The following CPEB4 variants were observed in gnomAD, a reference collection of about 807,000 sequenced individuals.
CPEB4 encodes cytoplasmic polyadenylation element binding protein 4.
Under a neutral mutation model 72.5 loss-of-function variants are expected in CPEB4, and 12 were observed. The observed-to-expected ratio is 0.17, with a 90% CI of 0.11 to 0.27. CPEB4 has a LOEUF of 0.27. Among genes scored for constraint, CPEB4 ranks in the 10% least tolerant of loss-of-function variants. The pLI, the probability that CPEB4 is intolerant of heterozygous loss-of-function variation, is 1.00. For missense variants in CPEB4, 614 were observed against 908.5 expected (o/e 0.68, Z 4.17); for synonymous variants, 302 against 326.3 (o/e 0.93, Z 0.80).
chr5:173,898,598 T>G (rs1476519320), intron 1 of CPEB4, among the ~76,000 whole-genome samples: 1 of 152,248 alleles, frequency 6.6e-6, no homozygotes, highest in Non-Finnish European at 1.5e-5. Flanking sequence ...ACAGAAATAT[T>G]AAGTCAAAGT....
chr5:173,956,258 TAG>T lies in CPEB4; in HGVS notation c.*122_*123del, dbSNP rs1382545583. On this transcript the variant is annotated 3_prime_UTR_variant, in exon 10 of 10. Coordinates refer to ENST00000265085, the MANE Select transcript of CPEB4 (RefSeq NM_030627.4). The stretch of plus-strand genomic sequence containing the variant: ...TTTGTAGCAGTCTGTAACTTAACTA[TAG>T]TATAATGAAAAGAATGACCTATAAT... 9 of 704,006 alleles carry T rather than the reference TAG, an allele frequency of 1.3e-5. No homozygotes were observed. In the African/African-American group the frequency reaches 1.6e-4, roughly 13 times the overall value. The allele number at this position is 704,006 out of a possible 1,614,324, so 43.6% of individuals were successfully genotyped here.
chr5:173,943,331 C>T (rs1411841436), intron 4 of CPEB4, among the ~76,000 whole-genome samples: 1 of 151,798 alleles, frequency 6.6e-6, no homozygotes, highest in African/African-American at 2.4e-5. Flanking sequence ...TGCTTTTTTT[C>T]CTTTCTGAAA....
At chr5:173,913,191 C>G (rs1160042338) in intron 2 of CPEB4, among the ~76,000 whole-genome samples, 1 of 150,890 alleles carries the variant, frequency 6.6e-6, no homozygotes, top group Non-Finnish European at 1.5e-5. Context: ...AGTTGGCACA[C>G]ATTATTCTTT....
intron 1 of CPEB4, among the ~76,000 whole-genome samples, chr5:173,899,777 A>G (rs1756157849): frequency 6.6e-6 from 1 of 152,104 alleles, no homozygotes; most frequent in Non-Finnish European, 1.5e-5. Context: ...TCCCTTGCAG[A>G]CTTTTAGACT....
chr5:173,950,884 C>T lies in CPEB4; in HGVS notation c.1665+806C>T, dbSNP rs1758194141. ...GGAAAAGTTTATCATAAAATTTAGT[C>T]TTTAGGAAGAGGAGCAACTGGCATG... is the stretch of plus-strand genomic sequence containing the variant. On this transcript the variant is annotated intron_variant, in intron 7 of 9. Coordinates refer to ENST00000265085, the MANE Select transcript of CPEB4 (RefSeq NM_030627.4). The surrounding 1 kb of genome is among the most constrained non-coding windows in gnomAD (Gnocchi z 5.0). 6.6e-6 allele frequency among the ~76,000 whole-genome samples: 1 copy of T among 152,050 alleles called. No homozygotes were observed. The highest frequency in any genetic ancestry group is 2.1e-4 in the South Asian group (1 of 4,828).
chr5:173,932,539 A>T, intron 3 of CPEB4, 39 bp downstream of exon 3: 1 of 1,467,948 alleles, frequency 6.8e-7, no homozygotes, highest in Non-Finnish European at 9.5e-7. Flanking sequence ...AGTGCACAAA[A>T]CTGATACAGT....
At chr5:173,898,124 A>G (rs752454967) in intron 1 of CPEB4, among the ~76,000 whole-genome samples, 7 of 152,162 alleles carry the variant, frequency 4.6e-5, no homozygotes, top group Admixed American at 6.5e-5. Flanking sequence ...TATTCTAATC[A>G]TTTTTTAGTA....
chr5:173,937,019 C>CTTTTTTTTTTTTTTTTTTTTTTTTTT (rs150187685), intron 3 of CPEB4, among the ~76,000 whole-genome samples: 1 of 97,214 alleles, frequency 1.0e-5, no homozygotes, highest in Non-Finnish European at 2.0e-5. Flanking sequence ...CATTTCTTTC[C>CTTTTTTTTTTTTTTTTTTTTTTTTTT]TTTTTTTTTT....
intron 3 of CPEB4, among the ~76,000 whole-genome samples, chr5:173,939,838 A>G (rs1757768995): frequency 6.6e-6 from 1 of 151,740 alleles, no homozygotes; most frequent in African/African-American, 2.4e-5. Context: ...TAGGCTGGAC[A>G]CGGTGGCTCA....
Position 173,961,200 on chromosome 5 carries a change from C to T in CPEB4, c.*5063C>T, listed in dbSNP as rs1367256639. Reference sequence around the variant, plus strand: ...TTCTCTCATCTGGCAATTCCCAAACCTTACGTTGAGCATTCAATGAAGGGC... The same window carrying T: ...TTCTCTCATCTGGCAATTCCCAAACTTTACGTTGAGCATTCAATGAAGGGC... On this transcript the variant is annotated 3_prime_UTR_variant, in exon 10 of 10. Coordinates refer to ENST00000265085, the MANE Select transcript of CPEB4 (RefSeq NM_030627.4). 1.3e-5 allele frequency: 2 copies of T among 152,132 alleles called. No individual in the cohort carries two copies. The highest frequency in any genetic ancestry group is 2.9e-5 in the Non-Finnish European group (2 of 68,040). 9.4% of individuals were successfully genotyped at this position (152,132 alleles called of 1,614,324 possible). A position where few individuals can be genotyped will look rare whatever the true frequency, so the allele number is the denominator to read the frequency against.
intron 1 of CPEB4, among the ~76,000 whole-genome samples, chr5:173,901,757 A>T (rs551592373): frequency 1.3e-5 from 2 of 152,360 alleles, no homozygotes; most frequent in African/African-American, 2.4e-5. Context: ...TAATATATGT[A>T]AATGTTATGT....
At chr5:173,929,508 G>T (rs1229615139) in intron 2 of CPEB4, among the ~76,000 whole-genome samples, 1 of 152,040 alleles carries the variant, frequency 6.6e-6, no homozygotes, top group Admixed American at 6.6e-5. Flanking sequence ...AGACCAGCCT[G>T]GGTAACATAG....
At position 173,956,250 on chromosome 5, in the gene CPEB4, C is replaced by T. The variant is rs1758373684; in HGVS notation, c.*113C>T. On this transcript the variant is annotated 3_prime_UTR_variant, in exon 10 of 10. Coordinates refer to ENST00000265085, the MANE Select transcript of CPEB4 (RefSeq NM_030627.4). The stretch of plus-strand genomic sequence containing the variant: ...CATGTCCTTTTGTAGCAGTCTGTAA[C>T]TTAACTATAGTATAATGAAAAGAAT... The T allele has an allele frequency of 2.7e-6, 2 of 753,336 alleles. No individual in the cohort carries two copies. The highest frequency in any genetic ancestry group is 2.3e-5 in the Admixed American group (1 of 43,724). 46.7% of individuals were successfully genotyped at this position (753,336 alleles called of 1,614,324 possible). A position where few individuals can be genotyped will look rare whatever the true frequency, so the allele number is the denominator to read the frequency against.
rs1757902346 is a variant in CPEB4, at chr5:173,943,036, T to C, written c.1269T>C (p.Tyr423=). 1.9e-6 allele frequency: 3 copies of C among 1,611,862 alleles called. No individual in the cohort carries two copies. Among genetic ancestry groups the C allele is most frequent in the South Asian group, 1.1e-5 (1 of 90,708 alleles). Residue 423 remains tyrosine (Y), a synonymous_variant, in exon 4 of 10, where the codon TAT becomes TAC. Transcript: ENST00000265085. ...TCATTTGACATGCAGCAAGGACATA[T>C]GGGCGAAGGAGAGGTAACATTGTTT... ...DSSLLINART[Y]GRRRGQSSLF...
rs1454517263 is a variant in CPEB4, at chr5:173,950,563, C to T, written c.1665+485C>T. Among the ~76,000 whole-genome samples, 3 of 151,844 alleles carry T rather than the reference C, an allele frequency of 2.0e-5. No homozygotes were observed. Among genetic ancestry groups the T allele is most frequent in the Non-Finnish European group, 4.4e-5 (3 of 67,988 alleles). On this transcript the variant is annotated intron_variant, in intron 7 of 9. Transcript: ENST00000265085. This position sits in a 1 kb window ranked among gnomAD's most constrained non-coding sequence, Gnocchi z 5.0. Reference sequence around the variant, plus strand: ...GAGGTTGCAGTGAGCAGAGATTGCACCATTGCACTCCAGCCTGGGTGAAAA... The same window carrying T: ...GAGGTTGCAGTGAGCAGAGATTGCATCATTGCACTCCAGCCTGGGTGAAAA...
In CPEB4 at chr5:173,890,592, A is replaced by G; in HGVS notation, c.859A>G (p.Ser287Gly). Residue 287 changes from serine to glycine, a missense_variant, in exon 1 of 10, where the codon AGC becomes GGC. Physicochemically the swap from Ser to Gly is moderately conservative, Grantham distance 56. This residue lies in a region of CPEB4 where 458 missense variants were observed against 548.6 expected (regional missense o/e 0.83). Coordinates refer to ENST00000265085, the MANE Select transcript of CPEB4 (RefSeq NM_030627.4). ...NLNKPPSPWS[S>G]YQSPSPTPSS... is the part of the protein sequence containing the mutation. ...TAACAAACCCCCCTCTCCGTGGAGC[A>G]GCTACCAGAGTCCGTCACCAACACC... 6.2e-7 allele frequency: 1 copy of G among 1,614,116 alleles called. No homozygotes were observed. The highest frequency in any genetic ancestry group is 8.5e-7 in the Non-Finnish European group (1 of 1,179,998).
Position 173,958,690 on chromosome 5 carries a change from T to TG in CPEB4, c.*2553_*2554insG, listed in dbSNP as rs1554096256. 6.7e-6 allele frequency: 1 copy of TG among 150,238 alleles called. No individual in the cohort carries two copies. Among genetic ancestry groups the TG allele is most frequent in the East Asian group, 1.9e-4 (1 of 5,228 alleles). 9.3% of individuals were successfully genotyped at this position (150,238 alleles called of 1,614,324 possible). On this transcript the variant is annotated 3_prime_UTR_variant, in exon 10 of 10. Coordinates refer to ENST00000265085, the MANE Select transcript of CPEB4 (RefSeq NM_030627.4). ...AAATGACAGATAACACTGTAGTTCC[T>TG]AAAAAAAAAATTAAATGCATAAGCA...
chr5:173,918,959 C>G (rs989193800), intron 2 of CPEB4, among the ~76,000 whole-genome samples: 5 of 151,996 alleles, frequency 3.3e-5, no homozygotes, highest in Non-Finnish European at 7.4e-5. Context: ...GTGAGGGTAA[C>G]GGTGGGCGAG....
In CPEB4 at chr5:173,952,643, C is replaced by G. The variant is rs116587541; in HGVS notation, c.1781-448C>G. On this transcript the variant is annotated intron_variant, in intron 8 of 9. Transcript: ENST00000265085. ...GGGAAAGAGTTTTGATGGAAATAAG[C>G]CAGGAGGGCCCACAAAGAGTCTACC... is the stretch of plus-strand genomic sequence containing the variant. Among the ~76,000 whole-genome samples the G allele has an allele frequency of 5.8e-3, 877 of 151,792 alleles. 4 individuals are homozygous for G. Among genetic ancestry groups the G allele is most frequent in the African/African-American group, 0.019 (767 of 41,370 alleles).
Sources: gnomAD v4.1 joint callset for allele counts (sites outside exome capture counted in the v4.1 genomes callset) on GRCh38, gnomAD v4.1.1 for gene constraint, gnomAD v4.1.1 regional missense constraint, Gnocchi (gnomAD v3.1) non-coding constraint, MANE v1.5 for transcripts, NCBI Gene and HGNC (gene_info 2026-07-23, HGNC 2026-07-21) for gene names.